The following PKLR variants were observed in gnomAD, a reference collection of about 807,000 sequenced individuals.
The protein encoded by PKLR is pyruvate kinase L/R, also known as pyruvate kinase PKLR.
Under a neutral mutation model 53.6 loss-of-function variants are expected in PKLR, and 38 were observed. The observed-to-expected ratio is 0.71, with a 90% confidence interval of 0.55 to 0.93. The LOEUF is 0.93. Ranked by LOEUF, PKLR falls within the 40% of genes least tolerant of loss-of-function variation. PKLR has a pLI of 0.00. For missense variants in PKLR, 702 were observed against 787.3 expected, an observed-to-expected ratio of 0.89 and a Z score of 1.30; for synonymous variants, 328 against 316.2, an observed-to-expected ratio of 1.04 and a Z score of -0.39.
At chr1:155,300,964 A>G in intron 1 of PKLR, 1 of 1,574,772 alleles carries the variant, frequency 6.4e-7, no homozygotes. Context: ...CATGAGGCCC[A>G]GCTGGGCTGG....
rs1415655617 is a variant in PKLR at position 155,293,075 on chromosome 1, CA to C, written c.1436+101del. 1 of 1,198,548 alleles carries C rather than the reference CA, an allele frequency of 8.3e-7. No homozygotes were observed. Among genetic ancestry groups the C allele is most frequent in the Non-Finnish European group, 1.2e-6 (1 of 802,854 alleles). The allele number at this position is 1,198,548 out of a possible 1,614,324, so 74.2% of individuals were successfully genotyped here. A position where few individuals can be genotyped will look rare whatever the true frequency, so the allele number is the denominator to read the frequency against. The stretch of plus-strand genomic sequence containing the variant: ...TGCCTCTCCTCTTGTCTCAGGTGGA[CA>C]CTCTTCACCCCTGGTGACCAGACTA... On this transcript the variant is annotated intron_variant, in intron 9 of 10. Coordinates refer to ENST00000342741, the MANE Select transcript of PKLR (RefSeq NM_000298.6). This position sits in a 1 kb window ranked among gnomAD's most constrained non-coding sequence, Gnocchi z 4.2.
Position 155,293,327 on chromosome 1 carries a change from T to C in PKLR, c.1286A>G (p.Glu429Gly). Residue 429 changes from glutamate (E) to glycine (G), a missense_variant, in exon 9 of 11, where the codon GAG (glutamate) becomes GGG (glycine). Physicochemically the swap from Glu to Gly is moderately conservative, Grantham distance 98. Around this residue, in one of 2 missense-constraint regions of PKLR, gnomAD observed 183 missense variants for 250.2 expected, o/e 0.73. Coordinates refer to ENST00000342741, the MANE Select transcript of PKLR (RefSeq NM_000298.6). This position sits in a 1 kb window ranked among gnomAD's most constrained non-coding sequence, Gnocchi z 4.2. The stretch of plus-strand genomic sequence containing the variant: ...CAGCTGCCGGTGGTACACTGCGGCC[T>C]CTGCCTCCCGGGCAATCTGCAGGTG... ...KMQHAIAREAEAAVYHRQLFE... is the reference protein window; with the variant it reads ...KMQHAIAREAGAAVYHRQLFE... The C allele has an allele frequency of 6.2e-7, 1 of 1,614,232 alleles. No individual in the cohort carries two copies. The highest frequency in any genetic ancestry group is 1.1e-5 in the South Asian group (1 of 91,082).
At position 155,293,624 on chromosome 1, in the gene PKLR, C is replaced by T. The variant is rs2148202832; in HGVS notation, c.1117-34G>A. On this transcript the variant is annotated intron_variant, in intron 7 of 10. Transcript: ENST00000342741. The surrounding 1 kb of genome is among the most constrained non-coding windows in gnomAD (Gnocchi z 4.2). ...CAGCGTGGATGTCAAAGTTGTAGGA[C>T]TCACACTGTGACTGGGGACCCTGCC... 3 of 1,612,442 alleles carry T rather than the reference C, an allele frequency of 1.9e-6. No homozygotes were observed. The highest frequency in any genetic ancestry group is 2.2e-5 in the East Asian group (1 of 44,878).
rs556653736 is a variant in PKLR at position 155,295,341 on chromosome 1, C to T, written c.508-39G>A. 1.5e-5 allele frequency: 24 copies of T among 1,613,192 alleles called. No individual in the cohort carries two copies. The highest frequency in any genetic ancestry group is 4.0e-5 in the African/African-American group (3 of 74,924). On this transcript the variant is annotated intron_variant, in intron 4 of 10. Transcript: ENST00000342741. This position sits in a 1 kb window ranked among gnomAD's most constrained non-coding sequence, Gnocchi z 4.3. ...CAGAGGAGATGTGAGTTCTGAGCCC[C>T]GGAGTCCGGGACCCGCCCCTGCCCA... is the stretch of plus-strand genomic sequence containing the variant.
chr1:155,297,517 C>T (rs554186435), intron 2 of PKLR, among the ~76,000 whole-genome samples: 2 of 152,316 alleles, frequency 1.3e-5, no homozygotes, highest in East Asian at 3.9e-4. Context: ...GACCACTTCT[C>T]ACCACCTCAC....
At chr1:155,300,527 G>A (rs138505798) in intron 1 of PKLR, among the ~76,000 whole-genome samples, 1 of 152,276 alleles carries the variant, frequency 6.6e-6, no homozygotes, top group African/African-American at 2.4e-5. Context: ...CAGCTTCTAA[G>A]TATGGATCAG....
At chr1:155,299,521 T>TTTTTTG (rs1647863465) in intron 2 of PKLR, among the ~76,000 whole-genome samples, 3 of 100,128 alleles carry the variant, frequency 3.0e-5, no homozygotes, top group African/African-American at 7.1e-5. Context: ...TTTTTTTTTT[T>TTTTTTG]GTGAGATGGA....
At chr1:155,291,694 G>A (rs1674549258) in intron 10 of PKLR, 62 bp downstream of exon 10, 5 of 1,486,258 alleles carry the variant, frequency 3.4e-6, no homozygotes, top group Non-Finnish European at 4.7e-6. Flanking sequence ...GGTATGGGAA[G>A]CTGGGTTGGG....
chr1:155,304,507 C>G (rs1422865257), upstream of PKLR, among the ~76,000 whole-genome samples: 3 of 147,954 alleles, frequency 2.0e-5, no homozygotes, highest in African/African-American at 5.0e-5. Flanking sequence ...TAGGAAGAAT[C>G]TAGGTGGTAG....
chr1:155,294,727 CA>C lies in PKLR; in HGVS notation c.719del (p.Val240GlyfsTer13). 3 of 1,613,994 alleles carry C rather than the reference CA, an allele frequency of 1.9e-6. No homozygotes were observed. The highest frequency in any genetic ancestry group is 2.5e-6 in the Non-Finnish European group (3 of 1,180,024). On this transcript the variant is annotated frameshift_variant, in exon 6 of 11. Transcript: ENST00000342741. LOFTEE classifies it high-confidence loss of function. The stretch of plus-strand genomic sequence containing the variant: ...GGCTGCCCAGGACGCCGCCGTTCTC[CA>C]CTTGGGTCACCAGTCCCTCTGGGCC... ...KIGPEGLVTQVENGGVLGSRK... is the reference protein window; with the variant it reads ...KIGPEGLVTQXENGGVLGSRK...
Position 155,295,772 on chromosome 1 carries a change from C to T in PKLR, c.284-16G>A. 1 of 1,608,238 alleles carries T rather than the reference C, an allele frequency of 6.2e-7. No homozygotes were observed. Among genetic ancestry groups the T allele is most frequent in the South Asian group, 1.1e-5 (1 of 90,984 alleles). ...GATGCTGGCCCTAGAACCAGAGATTCACGTTCAGACAACGTTCCCCCAGAA... is the reference window on the plus strand; with the variant it reads ...GATGCTGGCCCTAGAACCAGAGATTTACGTTCAGACAACGTTCCCCCAGAA... On this transcript the variant is annotated splice_polypyrimidine_tract_variant and intron_variant, in intron 2 of 10. Transcript: ENST00000342741. This position sits in a 1 kb window ranked among gnomAD's most constrained non-coding sequence, Gnocchi z 4.3.
At chr1:155,294,866 C>G in intron 5 of PKLR, 114 bp from the exon 6 acceptor site, 8 of 1,332,680 alleles carry the variant, frequency 6.0e-6, no homozygotes, top group Non-Finnish European at 8.4e-6. Flanking sequence ...TCCTCCTCAT[C>G]TCTCCGCCCT....
the PKLR span, among the ~76,000 whole-genome samples, chr1:155,307,912 GAATT>G: frequency 2.6e-3 from 389 of 152,208 alleles, 8 homozygotes; most frequent in Admixed American, 0.024. Flanking sequence ...CACGTAGCTG[GAATT>G]AAGGCGCGGA....
At position 155,294,180 on chromosome 1, in the gene PKLR, C is replaced by T. The variant is rs1486533797; in HGVS notation, c.1116+55G>A. 1.9e-6 allele frequency: 3 copies of T among 1,583,750 alleles called. No individual in the cohort carries two copies. In the African/African-American group the frequency reaches 4.0e-5, roughly 21 times the overall value. On this transcript the variant is annotated intron_variant, in intron 7 of 10. Coordinates refer to ENST00000342741, the MANE Select transcript of PKLR (RefSeq NM_000298.6). ...AAACCCCTACAGTGTGGGTATTCAC[C>T]CACAGGTGTCCCTAAAACCCACAGA... is the stretch of plus-strand genomic sequence containing the variant.
rs758139094 is a variant in PKLR at position 155,289,990 on chromosome 1, C to T, written c.*582G>A. 3.3e-4 allele frequency: 52 copies of T among 158,820 alleles called. No individual in the cohort carries two copies. Among genetic ancestry groups the T allele is most frequent in the African/African-American group, 9.1e-4 (38 of 41,624 alleles). The allele number at this position is 158,820 out of a possible 1,614,324, so 9.8% of individuals were successfully genotyped here. The stretch of plus-strand genomic sequence containing the variant: ...AGGACAGTGGTCTACAAGCCCAGCA[C>T]GGAGGTTGTGAAGACAGTGACAAAA... On this transcript the variant is annotated 3_prime_UTR_variant, in exon 11 of 11. Transcript: ENST00000342741.
rs181611695 is a variant in PKLR at position 155,294,826 on chromosome 1, G to A, written c.695-74C>T. 7.5e-5 allele frequency: 116 copies of A among 1,555,128 alleles called. No individual in the cohort carries two copies. In the East Asian group the frequency reaches 2.5e-3, roughly 34 times the overall value. On this transcript the variant is annotated intron_variant, in intron 5 of 10. Coordinates refer to ENST00000342741, the MANE Select transcript of PKLR (RefSeq NM_000298.6). ...CAGTTGCAGCAGAGAGGACACTGGG[G>A]CTTGGACCCGCAAGAGGTCAGGAAC... is the stretch of plus-strand genomic sequence containing the variant.
chr1:155,307,177 C>T, the PKLR span, among the ~76,000 whole-genome samples: 1 of 152,188 alleles, frequency 6.6e-6, no homozygotes, highest in Non-Finnish European at 1.5e-5. Flanking sequence ...CCTCCCAAAG[C>T]TCTGGGATTA....
intron 2 of PKLR, among the ~76,000 whole-genome samples, chr1:155,298,953 CCTTTCTTTCTTTCTTT>C (rs530027982): frequency 0.021 from 2,163 of 103,918 alleles, 47 homozygotes; most frequent in Middle Eastern, 0.065. Context: ...AACTTTCACT[CCTTTCTTTCTTTCTTT>C]CTTTCTTTCT....
chr1:155,302,683 C>CT (rs140716334), upstream of PKLR, among the ~76,000 whole-genome samples: 74 of 147,660 alleles, frequency 5.0e-4, 1 homozygote, highest in African/African-American at 1.2e-3. Context: ...TGTTTTCTTT[C>CT]TTTTTTTTTT....
Sources: gnomAD v4.1 joint callset for allele counts (sites outside exome capture counted in the v4.1 genomes callset) on GRCh38, gnomAD v4.1.1 for gene constraint, gnomAD v4.1.1 regional missense constraint, Gnocchi (gnomAD v3.1) non-coding constraint, MANE v1.5 for transcripts, NCBI Gene and HGNC (gene_info 2026-07-23, HGNC 2026-07-21) for gene names.